The following RIN2 variants were observed in gnomAD, a reference collection of about 807,000 sequenced individuals.
The protein encoded by RIN2 is RAB5 interacting protein 2.
Under a neutral mutation model 78.0 loss-of-function variants are expected in RIN2, and 36 were observed. That is an observed-to-expected ratio of 0.46 (90% confidence interval 0.35 to 0.61). The LOEUF is 0.61. RIN2 is among the 20% of genes least tolerant of loss of function. RIN2 has a pLI of 0.00. For missense variants in RIN2, 1,087 were observed against 1,159.7 expected, an observed-to-expected ratio of 0.94 and a Z score of 0.91; for synonymous variants, 466 against 466.8, an observed-to-expected ratio of 1.00 and a Z score of 0.02.
In RIN2 at chr20:19,969,782, A is replaced by G. The variant is rs1168572966; in HGVS notation, c.537-1056A>G. ...CCACTGGAAAAAAACAAACAAACAA[A>G]CAAACCCTCCTTTTTGATTAAGTCA... On this transcript the variant is annotated intron_variant, in intron 7 of 12. Coordinates refer to ENST00000255006, the MANE Select transcript of RIN2 (RefSeq NM_018993.4). Among the ~76,000 whole-genome samples, 8 of 152,230 alleles carry G rather than the reference A, an allele frequency of 5.3e-5. No homozygotes were observed. The Middle Eastern group carries it at 0.01, about 194-fold the overall frequency.
intron 3 of RIN2, among the ~76,000 whole-genome samples, chr20:19,912,425 G>C (rs1409757265): frequency 6.6e-6 from 1 of 151,274 alleles, no homozygotes; most frequent in Non-Finnish European, 1.5e-5. Context: ...ATCAGGAAAA[G>C]CCCCTGCATC....
chr20:19,948,980 T>TA (rs11478186), intron 4 of RIN2, among the ~76,000 whole-genome samples: 396 of 146,826 alleles, frequency 2.7e-3, no homozygotes, highest in African/African-American at 3.9e-3. Context: ...AATTTTACTT[T>TA]AAAAAAAAAA....
intron 5 of RIN2, among the ~76,000 whole-genome samples, chr20:19,958,445 C>A (rs1305245861): frequency 6.6e-6 from 1 of 152,274 alleles, no homozygotes; most frequent in Non-Finnish European, 1.5e-5. Context: ...CTGAAACCTG[C>A]ATGGGAAACA....
At chr20:19,936,687 G>A (rs1414250410) in intron 4 of RIN2, among the ~76,000 whole-genome samples, 1 of 152,166 alleles carries the variant, frequency 6.6e-6, no homozygotes, top group Non-Finnish European at 1.5e-5. Context: ...ACTCCGGTGG[G>A]TATTAGAGTG....
chr20:19,975,257 C>A lies in RIN2; in HGVS notation c.1232C>A (p.Ala411Asp), dbSNP rs1243130854. Residue 411 changes from alanine to aspartate, a missense_variant, in exon 9 of 13, where the codon GCC becomes GAC. By Grantham distance (126) the Ala-to-Asp change is moderately radical. Around this residue, in one of 8 missense-constraint regions of RIN2, gnomAD observed 706 missense variants for 667.5 expected, o/e 1.06. Transcript: ENST00000255006. The surrounding 1 kb of genome is among the most constrained non-coding windows in gnomAD (Gnocchi z 4.9). ...GCCGCCCCGGGGGATTGCACAAGGG[C>A]CCCGCCGCCCAGCTCTGAATCACGG... ...PEAAPGDCTR[A>D]PPPSSESRPP... The A allele has an allele frequency of 5.7e-6, 9 of 1,582,778 alleles. No homozygotes were observed. In the African/African-American group the frequency reaches 1.2e-4, roughly 21 times the overall value.
intron 7 of RIN2, among the ~76,000 whole-genome samples, chr20:19,967,811 C>T (rs1200864321): frequency 3.3e-5 from 5 of 152,090 alleles, no homozygotes; most frequent in South Asian, 2.1e-4. Context: ...GTCCTCAGAC[C>T]GGAATAGAGG....
intron 3 of RIN2, 112 bp from the exon 4 acceptor site, chr20:19,934,980 AAAGAAAT>A: frequency 1.5e-6 from 1 of 667,720 alleles, no homozygotes; most frequent in Non-Finnish European, 2.5e-6. Context: ...AAAAAAAAAA[AAAGAAAT>A]AGAAAAAGAT....
intron 11 of RIN2, among the ~76,000 whole-genome samples, chr20:19,993,551 C>T (rs2042863079): frequency 6.6e-6 from 1 of 152,100 alleles, no homozygotes; most frequent in Non-Finnish European, 1.5e-5. Flanking sequence ...GGATGAATAT[C>T]TCTCCTCCCG....
intron 2 of RIN2, among the ~76,000 whole-genome samples, chr20:19,874,713 C>A (rs540785523): frequency 6.6e-6 from 1 of 152,100 alleles, no homozygotes; most frequent in Non-Finnish European, 1.5e-5. Context: ...ACAGGTTACA[C>A]TGAGCAGAGG....
chr20:19,906,787 T>C (rs1289686964), intron 3 of RIN2, among the ~76,000 whole-genome samples: 1 of 152,186 alleles, frequency 6.6e-6, no homozygotes, highest in East Asian at 1.9e-4. Context: ...AGTTTAACTC[T>C]AAAAGACAAG....
chr20:19,856,901 T>C (rs1020832367), intron 2 of RIN2, among the ~76,000 whole-genome samples: 5 of 152,314 alleles, frequency 3.3e-5, no homozygotes, highest in South Asian at 4.1e-4. Context: ...ACTTTTTATA[T>C]GGCTTTTTAA....
chr20:19,907,656 G>A (rs2039276162), intron 3 of RIN2, among the ~76,000 whole-genome samples: 2 of 152,256 alleles, frequency 1.3e-5, no homozygotes, highest in South Asian at 4.1e-4. Flanking sequence ...CCCAGGGTCT[G>A]AGATAAAGCT....
intron 2 of RIN2, among the ~76,000 whole-genome samples, chr20:19,862,354 G>T (rs981491268): frequency 2.0e-5 from 3 of 152,186 alleles, no homozygotes; most frequent in African/African-American, 7.2e-5. Flanking sequence ...CACTTTGGGA[G>T]GCCGAGGCGG....
intron 1 of RIN2, among the ~76,000 whole-genome samples, chr20:19,765,933 G>A (rs183440862): frequency 3.9e-5 from 6 of 152,034 alleles, no homozygotes; most frequent in Admixed American, 1.3e-4. Context: ...GGGAGGGAGG[G>A]AAGGAGGGAC....
At chr20:19,921,295 T>G (rs1365629862) in intron 3 of RIN2, among the ~76,000 whole-genome samples, 1 of 152,138 alleles carries the variant, frequency 6.6e-6, no homozygotes, top group Non-Finnish European at 1.5e-5. Flanking sequence ...TTGGTGTTTT[T>G]GGGTGGTGGA....
intron 3 of RIN2, among the ~76,000 whole-genome samples, chr20:19,894,492 T>C (rs2038628891): frequency 6.6e-6 from 1 of 152,202 alleles, no homozygotes; most frequent in African/African-American, 2.4e-5. Context: ...CTTGAAGCAA[T>C]CCTCCTGCTT....
intron 4 of RIN2, among the ~76,000 whole-genome samples, chr20:19,948,046 C>T (rs13039938): frequency 0.091 from 13,861 of 152,242 alleles, 684 homozygotes; most frequent in Non-Finnish European, 0.093. Flanking sequence ...AACTGCTGAC[C>T]CAGTCATCCC....
chr20:19,985,778 G>A (rs1242412698), intron 9 of RIN2, among the ~76,000 whole-genome samples: 1 of 152,166 alleles, frequency 6.6e-6, no homozygotes, highest in Non-Finnish European at 1.5e-5. Flanking sequence ...CATCTGTAAA[G>A]GTTTCAGGTG....
intron 2 of RIN2, among the ~76,000 whole-genome samples, chr20:19,873,749 T>C (rs2037766044): frequency 6.6e-6 from 1 of 152,316 alleles, no homozygotes; most frequent in East Asian, 1.9e-4. Context: ...TTTGCATCTC[T>C]GTGGGCAACA....
Sources: allele counts gnomAD v4.1 joint callset (sites outside exome capture counted in the v4.1 genomes callset), GRCh38; gene constraint gnomAD v4.1.1; regional missense constraint gnomAD v4.1.1; non-coding constraint Gnocchi (gnomAD v3.1); transcripts MANE v1.5; gene names NCBI Gene and HGNC (gene_info 2026-07-23, HGNC 2026-07-21).